Variants in SNTB1 observed in about 807,000 individuals in gnomAD.
The protein encoded by SNTB1 is beta-1-syntrophin.
In SNTB1, 36 loss-of-function variants were observed where a neutral mutation model predicts 48.9. The ratio of observed to expected loss-of-function variants is 0.74; its 90% CI spans 0.56 to 0.97. The LOEUF (loss-of-function observed/expected upper bound fraction) is 0.97, where lower values mean the gene tolerates loss of function less well. SNTB1 is among the 50% of genes least tolerant of loss of function. The pLI is 0.00. For missense variants in SNTB1, 786 were observed against 703.4 expected (o/e 1.12, Z -1.33); for synonymous variants, 299 against 294.6 (o/e 1.01, Z -0.15).
At chr8:120,672,345 C>A (rs912549994) in intron 2 of SNTB1, among the ~76,000 whole-genome samples, 3 of 152,190 alleles carry the variant, frequency 2.0e-5, no homozygotes, top group African/African-American at 7.2e-5. Flanking sequence ...TACCCTAGAG[C>A]AACATGTAAG....
Position 120,548,894 on chromosome 8 carries a change from G to A in SNTB1, c.1201C>T (p.Arg401Ter), listed in dbSNP as rs61752911. 22 of 1,612,384 alleles carry A rather than the reference G, an allele frequency of 1.4e-5. No homozygotes were observed. The highest frequency in any genetic ancestry group is 2.2e-5 in the East Asian group (1 of 44,844). Reference sequence around the variant, plus strand: ...TCAATCCCTTGCCTGGTACCAGTTCGCGTTGCAAAGGACAGATCCACACCA... The same window carrying A: ...TCAATCCCTTGCCTGGTACCAGTTCACGTTGCAAAGGACAGATCCACACCA... The part of the protein sequence containing the change: ...QAGVDLSFAT[R>*]TGTRQGIETH... The change falls in exon 5 of 7, where the codon CGA becomes TGA. Residue 401 changes from arginine (R) to a stop codon, truncating the protein, a stop_gained. Coordinates refer to ENST00000517992, the MANE Select transcript of SNTB1 (RefSeq NM_021021.4). LOFTEE classifies it high-confidence loss of function.
intron 3 of SNTB1, among the ~76,000 whole-genome samples, chr8:120,602,476 G>T (rs771001718): frequency 6.6e-6 from 1 of 152,168 alleles, no homozygotes; most frequent in Middle Eastern, 3.2e-3. Context: ...AAAGACCGAG[G>T]TTCCCCCGAA....
At chr8:120,689,453 C>T (rs1388739600) in intron 2 of SNTB1, among the ~76,000 whole-genome samples, 1 of 152,180 alleles carries the variant, frequency 6.6e-6, no homozygotes, top group Non-Finnish European at 1.5e-5. Context: ...CTTCAACTCT[C>T]ATTTCTCAGC....
intron 3 of SNTB1, among the ~76,000 whole-genome samples, chr8:120,609,122 T>G (rs1006517283): frequency 2.0e-5 from 3 of 152,186 alleles, no homozygotes; most frequent in African/African-American, 7.2e-5. Flanking sequence ...AAAGAGCAGA[T>G]ATAGACTGCA....
At chr8:120,702,467 C>T (rs552676389) in intron 1 of SNTB1, among the ~76,000 whole-genome samples, 2 of 152,180 alleles carry the variant, frequency 1.3e-5, no homozygotes, top group African/African-American at 4.8e-5. Context: ...GTTTCCTCCA[C>T]GTGGAAACCT....
At chr8:120,716,039 A>G (rs1471016426) in intron 1 of SNTB1, among the ~76,000 whole-genome samples, 1 of 152,186 alleles carries the variant, frequency 6.6e-6, no homozygotes, top group Non-Finnish European at 1.5e-5. Flanking sequence ...TGTCATAATG[A>G]GTGGTTTACA....
Position 120,537,581 on chromosome 8 carries a change from T to A in SNTB1, c.*1296A>T, listed in dbSNP as rs1308798904. 6.6e-6 allele frequency: 1 copy of A among 152,240 alleles called. No homozygotes were observed. The highest frequency in any genetic ancestry group is 1.5e-5 in the Non-Finnish European group (1 of 68,038). The allele number at this position is 152,240 out of a possible 1,614,324, so 9.4% of individuals were successfully genotyped here. ...AAACACACAGGTCTAACAACAGATG[T>A]CTGTCTATGTAAACTACAGGAAAAG... On this transcript the variant is annotated 3_prime_UTR_variant, in exon 7 of 7. Coordinates refer to ENST00000517992, the MANE Select transcript of SNTB1 (RefSeq NM_021021.4).
At chr8:120,687,726 G>A (rs2129842295) in intron 2 of SNTB1, among the ~76,000 whole-genome samples, 1 of 152,306 alleles carries the variant, frequency 6.6e-6, no homozygotes, top group East Asian at 1.9e-4. Context: ...CTGGCATTCT[G>A]CTCATATTCA....
chr8:120,732,031 T>C (rs746481078), intron 1 of SNTB1, among the ~76,000 whole-genome samples: 2 of 152,214 alleles, frequency 1.3e-5, no homozygotes, highest in Non-Finnish European at 2.9e-5. Flanking sequence ...AATTGGGCTC[T>C]TTTGAGGATG....
chr8:120,796,555 G>T (rs1242020527), intron 1 of SNTB1, among the ~76,000 whole-genome samples: 1 of 152,004 alleles, frequency 6.6e-6, no homozygotes, highest in Non-Finnish European at 1.5e-5. Context: ...ATTTGAAGTG[G>T]GAGGTTCCCA....
intron 3 of SNTB1, among the ~76,000 whole-genome samples, chr8:120,587,819 G>C (rs1183758761): frequency 6.6e-6 from 1 of 152,162 alleles, no homozygotes; most frequent in Non-Finnish European, 1.5e-5. Flanking sequence ...TGAGCTCACA[G>C]ATAATTAAAT....
intron 3 of SNTB1, among the ~76,000 whole-genome samples, chr8:120,619,449 G>C (rs1816761497): frequency 6.6e-6 from 1 of 152,054 alleles, no homozygotes; most frequent in East Asian, 1.9e-4. Flanking sequence ...CTTTATTTCA[G>C]GACCTTGTGA....
intron 4 of SNTB1, chr8:120,571,099 G>T: frequency 1.4e-6 from 1 of 699,546 alleles, no homozygotes; most frequent in Non-Finnish European, 2.0e-6. Flanking sequence ...ATGAATGAAT[G>T]AATGAATGAA....
intron 3 of SNTB1, among the ~76,000 whole-genome samples, chr8:120,594,330 C>T (rs555458228): frequency 1.8e-4 from 28 of 152,248 alleles, no homozygotes; most frequent in Middle Eastern, 3.4e-3. Context: ...CTCCACCTCC[C>T]GGGTTCCAGT....
chr8:120,727,170 G>T (rs964444696), intron 1 of SNTB1, among the ~76,000 whole-genome samples: 1 of 152,174 alleles, frequency 6.6e-6, no homozygotes, highest in African/African-American at 2.4e-5. Flanking sequence ...CTGACATGTG[G>T]GGTCAAAGGC....
At chr8:120,803,852 A>T (rs1048028494) in intron 1 of SNTB1, among the ~76,000 whole-genome samples, 9 of 152,204 alleles carry the variant, frequency 5.9e-5, no homozygotes, top group African/African-American at 1.9e-4. Flanking sequence ...AAGCGTTCTT[A>T]CATATTCAGA....
chr8:120,693,645 A>C, intron 2 of SNTB1, 47 bp downstream of exon 2: 1 of 1,541,034 alleles, frequency 6.5e-7, no homozygotes. Flanking sequence ...TTAGCCTGAG[A>C]GGCCGAGGAG....
intron 4 of SNTB1, 116 bp downstream of exon 4, chr8:120,574,970 G>A (rs1305200243): frequency 7.9e-7 from 1 of 1,269,178 alleles, no homozygotes. Context: ...TATTCTTAAG[G>A]AGCTCTCAGC....
intron 3 of SNTB1, among the ~76,000 whole-genome samples, chr8:120,614,037 G>GA (rs1489009402): frequency 2.6e-5 from 4 of 152,130 alleles, no homozygotes; most frequent in East Asian, 1.9e-4. Flanking sequence ...GTTTGCCCAA[G>GA]AAAAAACAGA....
Sources: gnomAD v4.1 joint callset for allele counts (sites outside exome capture counted in the v4.1 genomes callset) on GRCh38, gnomAD v4.1.1 for gene constraint, MANE v1.5 for transcripts, NCBI Gene and HGNC (gene_info 2026-07-23, HGNC 2026-07-21) for gene names.